Variants in UNC80 observed in about 807,000 individuals in gnomAD.
UNC80 encodes unc-80 subunit of NALCN channel complex, also known as protein unc-80 homolog.
In UNC80, 164 loss-of-function variants were observed where a neutral mutation model predicts 384.6. The observed-to-expected ratio is 0.43, with a 90% CI of 0.38 to 0.49. The LOEUF (loss-of-function observed/expected upper bound fraction) is 0.49. Ranked by LOEUF, UNC80 falls within the 20% of genes least tolerant of loss-of-function variation. The probability of loss-of-function intolerance (pLI) is 0.00; values close to 1 mark genes in which losing one functional copy is unlikely to be tolerated. For missense variants in UNC80, 3,330 were observed against 4,143.0 expected, an observed-to-expected ratio of 0.80 and a Z score of 5.39; for synonymous variants, 1,486 against 1,527.8, an observed-to-expected ratio of 0.97 and a Z score of 0.64.
chr2:209,961,660 A>T (rs1410463985), intron 51 of UNC80, among the ~76,000 whole-genome samples: 2 of 152,182 alleles, frequency 1.3e-5, no homozygotes, highest in East Asian at 3.8e-4. Context: ...GCAAAGAATG[A>T]AAAAAAGATT....
intron 40 of UNC80, 94 bp downstream of exon 40, chr2:209,935,902 C>T: frequency 1.4e-6 from 1 of 720,340 alleles, no homozygotes; most frequent in South Asian, 1.9e-5. Context: ...ATTTTTCTGT[C>T]TTTAAATGGA....
At chr2:209,848,125 G>A (rs1028526123) in intron 21 of UNC80, among the ~76,000 whole-genome samples, 1 of 151,974 alleles carries the variant, frequency 6.6e-6, no homozygotes, top group Non-Finnish European at 1.5e-5. Flanking sequence ...GTAATGTCCA[G>A]TGAGGAAATA....
chr2:209,934,469 C>G (rs1203551915), intron 39 of UNC80, among the ~76,000 whole-genome samples: 1 of 152,158 alleles, frequency 6.6e-6, no homozygotes, highest in African/African-American at 2.4e-5. Flanking sequence ...GATGTAAACT[C>G]AAGATACGGT....
chr2:209,984,049 A>G (rs1160980120), intron 60 of UNC80, among the ~76,000 whole-genome samples: 14 of 152,180 alleles, frequency 9.2e-5, no homozygotes, highest in Non-Finnish European at 2.1e-4. Context: ...ACGAGTATTT[A>G]TTGCCTCACA....
At chr2:209,871,692 T>C (rs2124880902) in intron 22 of UNC80, among the ~76,000 whole-genome samples, 1 of 152,284 alleles carries the variant, frequency 6.6e-6, no homozygotes, top group South Asian at 2.1e-4. Context: ...ATTGACCTTC[T>C]ATGGAAAACT....
intron 38 of UNC80, 144 bp downstream of exon 38, chr2:209,931,198 T>G (rs970824229): frequency 3.8e-5 from 21 of 550,738 alleles, no homozygotes; most frequent in Non-Finnish European, 6.6e-5. Flanking sequence ...AGCCCCTGCC[T>G]GGCATACTCT....
intron 22 of UNC80, among the ~76,000 whole-genome samples, chr2:209,868,299 A>G (rs1303731934): frequency 1.3e-5 from 2 of 152,238 alleles, no homozygotes; most frequent in Non-Finnish European, 2.9e-5. Flanking sequence ...TTGTAAGGCA[A>G]TAAAAAATAT....
intron 20 of UNC80, among the ~76,000 whole-genome samples, chr2:209,841,688 T>C (rs1461716604): frequency 6.6e-6 from 1 of 152,192 alleles, no homozygotes; most frequent in Non-Finnish European, 1.5e-5. Context: ...TTAAAAGTGA[T>C]ATTTTGAAAT....
rs774262237 is a variant in UNC80, at chr2:209,786,138, G to A, written c.673G>A (p.Gly225Arg). Residue 225 changes from glycine (G) to arginine (R), a missense_variant, in exon 5 of 65, where the codon GGA (glycine) becomes AGA (arginine). By Grantham distance (125) the Gly-to-Arg change is moderately radical (BLOSUM62 -2). Transcript: ENST00000673920. The stretch of plus-strand genomic sequence containing the variant: ...GCCCATGTGGGAACACAGACAGCCC[G>A]GAGTCTCTGGCTTTACCGCACTGGT... ...WQPMWEHRQP[G>R]VSGFTALVKP... 125 of 1,613,870 alleles carry A rather than the reference G, an allele frequency of 7.7e-5. No individual in the cohort carries two copies. The highest frequency in any genetic ancestry group is 1.3e-4 in the Admixed American group (8 of 59,986).
chr2:209,936,795 T>C (rs1306148304), intron 40 of UNC80, 49 bp from the exon 41 acceptor site: 1 of 1,336,176 alleles, frequency 7.5e-7, no homozygotes, highest in Non-Finnish European at 1.1e-6. Flanking sequence ...ACCTAGCACA[T>C]AATATCTTCC....
chr2:209,903,439 C>CACATTATATATATTTATATAT (rs2087686834), intron 28 of UNC80, among the ~76,000 whole-genome samples: 1 of 99,308 alleles, frequency 1.0e-5, no homozygotes, highest in African/African-American at 3.9e-5. Context: ...TATATATATA[C>CACATTATATATATTTATATAT]ACATTATATA....
intron 8 of UNC80, 63 bp downstream of exon 8, chr2:209,813,904 T>A: frequency 1.3e-6 from 2 of 1,516,596 alleles, no homozygotes; most frequent in Non-Finnish European, 1.8e-6. Context: ...ATTCTTTTTT[T>A]CTCTGTGCAT....
Position 209,993,400 on chromosome 2 carries a change from G to A in UNC80, c.9482G>A (p.Ser3161Asn). 1 of 1,551,686 alleles carries A rather than the reference G, an allele frequency of 6.4e-7. No individual in the cohort carries two copies. The highest frequency in any genetic ancestry group is 1.2e-5 in the South Asian group (1 of 84,050). Residue 3161 changes from serine (S) to asparagine (N), a missense_variant, in exon 63 of 65, where the codon AGC becomes AAC. Physicochemically the swap from Ser to Asn is conservative, Grantham distance 46 (BLOSUM62 1). This residue lies in a region of UNC80 where 236 missense variants were observed against 254.9 expected (regional missense o/e 0.93). Transcript: ENST00000673920. ...GCTCGGCTGTCAACCACTCGCAGGA[G>A]CATTCAACCTAAAACGAAGCCGTCT... ...QGARLSTTRR[S>N]IQPKTKPSAD...
At chr2:209,894,030 G>A in intron 26 of UNC80, 133 bp from the exon 27 acceptor site, 1 of 463,858 alleles carries the variant, frequency 2.2e-6, no homozygotes, top group Non-Finnish European at 2.8e-6. Context: ...GGGCTTGGGA[G>A]AAGCTCCTTG....
intron 22 of UNC80, among the ~76,000 whole-genome samples, chr2:209,850,076 A>G (rs1439513477): frequency 2.0e-5 from 3 of 152,140 alleles, no homozygotes; most frequent in African/African-American, 7.2e-5. Context: ...CTTTAAGCTC[A>G]CCAAGCCTTG....
chr2:209,946,379 A>G (rs914609206), intron 47 of UNC80, among the ~76,000 whole-genome samples: 1 of 151,854 alleles, frequency 6.6e-6, no homozygotes, highest in Non-Finnish European at 1.5e-5. Flanking sequence ...GAAAAAAAAA[A>G]AAAGAAAGAA....
chr2:209,946,903 G>A lies in UNC80; in HGVS notation c.7286+960G>A, dbSNP rs552447235. 1.8e-4 allele frequency among the ~76,000 whole-genome samples: 27 copies of A among 152,296 alleles called. No individual in the cohort carries two copies. The South Asian group carries it at 5.4e-3, about 30-fold the overall frequency. On this transcript the variant is annotated intron_variant, in intron 47 of 64. Transcript: ENST00000673920. The stretch of plus-strand genomic sequence containing the variant: ...AGAATGAATAAGGGCCAGGAGGAGC[G>A]GGATTTATATTAATTGAACTCTTTT...
Position 209,954,094 on chromosome 2 carries a change from T to C in UNC80, c.7287-6T>C. On this transcript the variant is annotated splice_region_variant and splice_polypyrimidine_tract_variant and intron_variant, in intron 47 of 64. Coordinates refer to ENST00000673920, the MANE Select transcript of UNC80 (RefSeq NM_001371986.1). ...GGTGACTCGGTTTTCTTTCTGTCGC[T>C]TAAAGTCTTCAGATGCTGATGGTCT... is the stretch of plus-strand genomic sequence containing the variant. 1.3e-6 allele frequency: 2 copies of C among 1,545,452 alleles called. No individual in the cohort carries two copies. Among genetic ancestry groups the C allele is most frequent in the Non-Finnish European group, 1.7e-6 (2 of 1,145,254 alleles).
At chr2:209,772,842 A>T (rs1290645326) in intron 1 of UNC80, among the ~76,000 whole-genome samples, 1 of 152,172 alleles carries the variant, frequency 6.6e-6, no homozygotes, top group African/African-American at 2.4e-5. Context: ...GGCGATTTAA[A>T]ATCTTAGAAG....
Sources: gnomAD v4.1 joint callset for allele counts (sites outside exome capture counted in the v4.1 genomes callset) on GRCh38, gnomAD v4.1.1 for gene constraint, gnomAD v4.1.1 regional missense constraint, MANE v1.5 for transcripts, NCBI Gene and HGNC (gene_info 2026-07-23, HGNC 2026-07-21) for gene names.